MORN4: variants seen among roughly 807,000 people sequenced by gnomAD.
MORN4 encodes MORN repeat containing 4.
MORN4 carries 8 observed loss-of-function variants against 16.4 expected under a neutral mutation model. The ratio of observed to expected loss-of-function variants is 0.49; its 90% CI spans 0.29 to 0.88. MORN4 has a LOEUF of 0.88. Ranked by LOEUF, MORN4 falls within the 40% of genes least tolerant of loss-of-function variation. The pLI, the probability that MORN4 is intolerant of heterozygous loss-of-function variation, is 0.09. For synonymous variants in MORN4, 53 were observed against 68.9 expected, an observed-to-expected ratio of 0.77 and a Z score of 1.14; for missense variants, 159 against 182.9, an observed-to-expected ratio of 0.87 and a Z score of 0.75.
At chr10:97,632,985 CACA>C (rs1316957510) in intron 1 of MORN4, among the ~76,000 whole-genome samples, 4 of 152,112 alleles carry the variant, frequency 2.6e-5, no homozygotes, top group Admixed American at 2.0e-4. Flanking sequence ...AGCCCTAGAC[CACA>C]ACAAGGCAAC....
At position 97,630,155 on chromosome 10, in the gene MORN4, C is replaced by G. The variant is rs577054372; in HGVS notation, c.-31+3192G>C. 3.5e-4 allele frequency among the ~76,000 whole-genome samples: 54 copies of G among 152,200 alleles called. 1 individual carries two copies. Among genetic ancestry groups the G allele is most frequent in the African/African-American group, 1.2e-3 (51 of 41,516 alleles). Reference sequence around the variant, plus strand: ...TGTTAGCCAGGATGGTCTCGATCTCCTGACCTTGTGATCCGCCTGCCTCAG... The same window carrying G: ...TGTTAGCCAGGATGGTCTCGATCTCGTGACCTTGTGATCCGCCTGCCTCAG... On this transcript the variant is annotated intron_variant, in intron 1 of 4. Coordinates refer to ENST00000307450, the MANE Select transcript of MORN4 (RefSeq NM_178832.4).
At chr10:97,629,742 G>A (rs2041378551) in intron 1 of MORN4, among the ~76,000 whole-genome samples, 1 of 151,908 alleles carries the variant, frequency 6.6e-6, no homozygotes, top group Non-Finnish European at 1.5e-5. Context: ...AGCATCATAT[G>A]GGTGTTTTTT....
intron 1 of MORN4, among the ~76,000 whole-genome samples, chr10:97,628,530 TTTTC>T (rs943590653): frequency 6.6e-6 from 1 of 151,534 alleles, no homozygotes; most frequent in African/African-American, 2.4e-5. Flanking sequence ...TAACCACTTT[TTTTC>T]TTTCTTTTTT....
At chr10:97,627,206 C>T (rs373562310) in intron 1 of MORN4, among the ~76,000 whole-genome samples, 79 of 152,078 alleles carry the variant, frequency 5.2e-4, no homozygotes, top group African/African-American at 1.8e-3. Flanking sequence ...TGCAGTGGCT[C>T]GATCTCAGCT....
In MORN4 at chr10:97,623,574, G is replaced by T. The variant is rs183330022; in HGVS notation, c.-30-3891C>A. 5.3e-5 allele frequency among the ~76,000 whole-genome samples: 8 copies of T among 152,162 alleles called. No individual in the cohort carries two copies. In the East Asian group the frequency reaches 5.8e-4, roughly 11 times the overall value. ...CCAGACCTGGTGGAGAAACAGGAAAGAATTCTTTTTTCTTTTAGAGACAGG... is the reference window on the plus strand; with the variant it reads ...CCAGACCTGGTGGAGAAACAGGAAATAATTCTTTTTTCTTTTAGAGACAGG... On this transcript the variant is annotated intron_variant, in intron 1 of 4. Transcript: ENST00000307450.
intron 1 of MORN4, among the ~76,000 whole-genome samples, chr10:97,626,080 TTTTTA>T (rs1424044848): frequency 6.6e-6 from 1 of 151,852 alleles, no homozygotes; most frequent in Non-Finnish European, 1.5e-5. Context: ...TTTTTTTTTT[TTTTTA>T]AAGAGAACAA....
chr10:97,616,214 A>C lies in MORN4; in HGVS notation c.*49T>G. 3 of 1,492,864 alleles carry C rather than the reference A, an allele frequency of 2.0e-6. No individual in the cohort carries two copies. The highest frequency in any genetic ancestry group is 2.7e-6 in the Non-Finnish European group (3 of 1,119,990). The allele number at this position is 1,492,864 out of a possible 1,614,324, so 92.5% of individuals were successfully genotyped here. The stretch of plus-strand genomic sequence containing the variant: ...CATTTGTTCACCTCGAATCAACAAC[A>C]GGGGCACTGGCTTTACCCAATACTT... On this transcript the variant is annotated 3_prime_UTR_variant, in exon 5 of 5. Coordinates refer to ENST00000307450, the MANE Select transcript of MORN4 (RefSeq NM_178832.4).
intron 1 of MORN4, among the ~76,000 whole-genome samples, chr10:97,630,903 G>A (rs1271474621): frequency 2.0e-5 from 3 of 152,034 alleles, no homozygotes; most frequent in South Asian, 4.1e-4. Context: ...CCAAGCTGGA[G>A]TGCAGTGGCG....
At chr10:97,632,887 T>C (rs1427415366) in intron 1 of MORN4, among the ~76,000 whole-genome samples, 5 of 151,990 alleles carry the variant, frequency 3.3e-5, no homozygotes, top group Admixed American at 3.3e-4. Flanking sequence ...ATACCACCCA[T>C]CAACTAAATG....
chr10:97,628,409 G>T (rs2041366829), intron 1 of MORN4, among the ~76,000 whole-genome samples: 1 of 152,160 alleles, frequency 6.6e-6, no homozygotes, highest in Non-Finnish European at 1.5e-5. Flanking sequence ...TCCAAAGAGT[G>T]GCATTCTACC....
At chr10:97,628,716 G>A (rs868257685) in intron 1 of MORN4, among the ~76,000 whole-genome samples, 1 of 152,076 alleles carries the variant, frequency 6.6e-6, no homozygotes. Flanking sequence ...ATTTTTAGTA[G>A]AGATGGGGTT....
chr10:97,624,011 C>T (rs1487775317), intron 1 of MORN4, among the ~76,000 whole-genome samples: 1 of 152,052 alleles, frequency 6.6e-6, no homozygotes, highest in African/African-American at 2.4e-5. Context: ...GCTGGGATTA[C>T]AGGCATGAGC....
chr10:97,621,368 G>A (rs1410616665), intron 1 of MORN4, among the ~76,000 whole-genome samples: 1 of 152,164 alleles, frequency 6.6e-6, no homozygotes, highest in Non-Finnish European at 1.5e-5. Flanking sequence ...GAAAAGAGGC[G>A]ACCTCTGCGG....
In MORN4 at chr10:97,633,213, C is replaced by T. The variant is rs1016674425; in HGVS notation, c.-31+134G>A. 4 of 1,104,964 alleles carry T rather than the reference C, an allele frequency of 3.6e-6. No homozygotes were observed. The African/African-American group carries it at 6.5e-5, about 18-fold the overall frequency. 68.4% of individuals were successfully genotyped at this position (1,104,964 alleles called of 1,614,324 possible). ...GGTTCAGGTTTGGGTCCCCCACAGGCAACCGCCCTCAGGTCAGCGTATCCG... is the reference window on the plus strand; with the variant it reads ...GGTTCAGGTTTGGGTCCCCCACAGGTAACCGCCCTCAGGTCAGCGTATCCG... On this transcript the variant is annotated intron_variant, in intron 1 of 4. Transcript: ENST00000307450. This position sits in a 1 kb window ranked among gnomAD's most constrained non-coding sequence, Gnocchi z 4.5.
At chr10:97,617,413 C>T in intron 2 of MORN4, 91 bp from the exon 3 acceptor site, 2 of 925,668 alleles carry the variant, frequency 2.2e-6, no homozygotes, top group Non-Finnish European at 3.6e-6. Context: ...TGCCATCACC[C>T]TACCCACAAA....
intron 1 of MORN4, among the ~76,000 whole-genome samples, chr10:97,629,448 T>C (rs972120991): frequency 1.4e-4 from 22 of 152,178 alleles, no homozygotes; most frequent in African/African-American, 5.3e-4. Context: ...TTCCATCTTG[T>C]CACTGATACA....
rs137913386 is a variant in MORN4, at chr10:97,624,291, C to T, written c.-30-4608G>A. ...GGACAGTGCTAGATTATTTATATTTCAATTCAGGTGGCACAACCCTCTCTA... is the reference window on the plus strand; with the variant it reads ...GGACAGTGCTAGATTATTTATATTTTAATTCAGGTGGCACAACCCTCTCTA... On this transcript the variant is annotated intron_variant, in intron 1 of 4. Transcript: ENST00000307450. 5.4e-3 allele frequency among the ~76,000 whole-genome samples: 817 copies of T among 152,282 alleles called. 5 individuals carry two copies. The highest frequency in any genetic ancestry group is 0.017 in the African/African-American group (707 of 41,558).
At chr10:97,629,462 AC>A (rs1426362503) in intron 1 of MORN4, among the ~76,000 whole-genome samples, 1 of 152,204 alleles carries the variant, frequency 6.6e-6, no homozygotes, top group East Asian at 1.9e-4. Flanking sequence ...TGATACACTC[AC>A]ACTTGGAGAC....
intron 1 of MORN4, among the ~76,000 whole-genome samples, chr10:97,622,858 CATTTATTT>C (rs138978764): frequency 2.7e-3 from 372 of 138,494 alleles, no homozygotes; most frequent in African/African-American, 5.8e-3. Flanking sequence ...CTTCATCTTT[CATTTATTT>C]ATTTATTTAT....
Sources: allele counts gnomAD v4.1 joint callset (sites outside exome capture counted in the v4.1 genomes callset), GRCh38; gene constraint gnomAD v4.1.1; non-coding constraint Gnocchi (gnomAD v3.1); transcripts MANE v1.5; gene names NCBI Gene and HGNC (gene_info 2026-07-23, HGNC 2026-07-21).